RAB27B: variants seen among roughly 807,000 people sequenced by gnomAD.
RAB27B encodes the protein RAB27B, member RAS oncogene family, also known as ras-related protein Rab-27B.
RAB27B carries 15 observed loss-of-function variants against 24.6 expected under a neutral mutation model. The ratio of observed to expected loss-of-function variants is 0.61; its 90% CI spans 0.41 to 0.94. The LOEUF is 0.94. Ranked by LOEUF, RAB27B falls within the 40% of genes least tolerant of loss-of-function variation. The pLI, the probability that RAB27B is intolerant of heterozygous loss-of-function variation, is 0.00. For missense variants in RAB27B, 261 were observed against 266.8 expected (o/e 0.98, Z 0.15); for synonymous variants, 105 against 92.5 (o/e 1.14, Z -0.78).
chr18:54,837,824 G>C (rs141174518), intron 1 of RAB27B, among the ~76,000 whole-genome samples: 117 of 152,170 alleles, frequency 7.7e-4, no homozygotes, highest in African/African-American at 2.7e-3. Flanking sequence ...AATCATTGTT[G>C]TTCAATTGAA....
At chr18:54,764,972 T>G (rs1047053720) in intron 2 of RAB27B, among the ~76,000 whole-genome samples, 6 of 152,186 alleles carry the variant, frequency 3.9e-5, no homozygotes, top group Non-Finnish European at 4.4e-5. Context: ...CCACTGTGCT[T>G]CTTTTATTCA....
chr18:54,719,397 AT>A (rs1909289925), intron 2 of RAB27B, among the ~76,000 whole-genome samples: 1 of 152,026 alleles, frequency 6.6e-6, no homozygotes, highest in African/African-American at 2.4e-5. Flanking sequence ...TTTTTTAAAT[AT>A]TTTGAATATT....
intron 2 of RAB27B, among the ~76,000 whole-genome samples, chr18:54,721,895 A>T (rs1909370467): frequency 6.6e-6 from 1 of 152,188 alleles, no homozygotes; most frequent in African/African-American, 2.4e-5. Context: ...CCAGATAATG[A>T]GAGGCACGGT....
intron 2 of RAB27B, among the ~76,000 whole-genome samples, chr18:54,773,749 C>T (rs1908628345): frequency 6.6e-6 from 1 of 151,590 alleles, no homozygotes; most frequent in Non-Finnish European, 1.5e-5. Context: ...CATCTCGGCT[C>T]ACTGCAACCT....
chr18:54,891,872 G>C lies in RAB27B; in HGVS notation c.*2459G>C. ...GTAATAACTTCAAGAGGAATGAGAA[G>C]TGACAAAATTGATTTAAAATATTGT... On this transcript the variant is annotated 3_prime_UTR_variant, in exon 6 of 6. Coordinates refer to ENST00000262094, the MANE Select transcript of RAB27B (RefSeq NM_004163.4). 1 of 152,108 alleles carries C rather than the reference G, an allele frequency of 6.6e-6. No homozygotes were observed. The highest frequency in any genetic ancestry group is 6.6e-5 in the Admixed American group (1 of 15,244). The allele number at this position is 152,108 out of a possible 1,614,324, so 9.4% of individuals were successfully genotyped here. A position where few individuals can be genotyped will look rare whatever the true frequency, so the allele number is the denominator to read the frequency against.
rs774297515 is a variant in RAB27B at position 54,893,697 on chromosome 18, G to T, written c.*4284G>T. 3 of 151,882 alleles carry T rather than the reference G, an allele frequency of 2.0e-5. No individual in the cohort carries two copies. Among genetic ancestry groups the T allele is most frequent in the Non-Finnish European group, 4.4e-5 (3 of 67,908 alleles). The allele number at this position is 151,882 out of a possible 1,614,324, so 9.4% of individuals were successfully genotyped here. A position where few individuals can be genotyped will look rare whatever the true frequency, so the allele number is the denominator to read the frequency against. ...ATAAAGTAGAACTGATACAAATTTT[G>T]GTTGGATATATAGAGAATTTTATAA... On this transcript the variant is annotated 3_prime_UTR_variant, in exon 6 of 6. Transcript: ENST00000262094.
At chr18:54,824,629 G>T (rs1448879555), upstream of RAB27B, among the ~76,000 whole-genome samples, 4 of 152,130 alleles carry the variant, frequency 2.6e-5, no homozygotes, top group African/African-American at 7.2e-5. Context: ...CCCTGGAAGC[G>T]ATGTACATGA....
At chr18:54,721,234 G>A (rs1909349467) in intron 2 of RAB27B, among the ~76,000 whole-genome samples, 1 of 152,146 alleles carries the variant, frequency 6.6e-6, no homozygotes, top group Admixed American at 6.5e-5. Flanking sequence ...TCATACATTT[G>A]TTGATATGCA....
chr18:54,779,168 G>T (rs1274095888), intron 2 of RAB27B, among the ~76,000 whole-genome samples: 1 of 152,124 alleles, frequency 6.6e-6, no homozygotes, highest in East Asian at 1.9e-4. Flanking sequence ...TCAAGAATTA[G>T]TTGGCTCCAA....
intron 2 of RAB27B, among the ~76,000 whole-genome samples, chr18:54,791,021 T>C (rs1909230089): frequency 6.6e-6 from 1 of 152,222 alleles, no homozygotes; most frequent in African/African-American, 2.4e-5. Flanking sequence ...ACAGCAATTT[T>C]AAAAGTAGAA....
At chr18:54,739,529 ATTCT>A (rs1470647327) in intron 2 of RAB27B, among the ~76,000 whole-genome samples, 5 of 149,624 alleles carry the variant, frequency 3.3e-5, no homozygotes, top group Non-Finnish European at 7.4e-5. Flanking sequence ...GTACCCTTAA[ATTCT>A]TTCTTTCTTT....
chr18:54,889,599 A>C lies in RAB27B; in HGVS notation c.*186A>C. ...CAAAAGAATTGACTAGTTATCCCTGAGGCCCTTTCAAACATGATCAAAGAT... is the reference window on the plus strand; with the variant it reads ...CAAAAGAATTGACTAGTTATCCCTGCGGCCCTTTCAAACATGATCAAAGAT... On this transcript the variant is annotated 3_prime_UTR_variant, in exon 6 of 6. Transcript: ENST00000262094. The C allele has an allele frequency of 1.9e-6, 1 of 522,638 alleles. No individual in the cohort carries two copies. The highest frequency in any genetic ancestry group is 3.3e-6 in the Non-Finnish European group (1 of 307,096). 32.4% of individuals were successfully genotyped at this position (522,638 alleles called of 1,614,324 possible).
intron 2 of RAB27B, among the ~76,000 whole-genome samples, chr18:54,764,998 T>A (rs1423597608): frequency 6.6e-6 from 1 of 152,128 alleles, no homozygotes; most frequent in East Asian, 1.9e-4. Flanking sequence ...ATTTGTTATT[T>A]TAATTAACCA....
intron 2 of RAB27B, among the ~76,000 whole-genome samples, chr18:54,816,637 G>C (rs964200071): frequency 2.0e-5 from 3 of 152,130 alleles, no homozygotes; most frequent in Admixed American, 1.3e-4. Context: ...GGAGAAAACA[G>C]GTTCCAAATC....
At chr18:54,873,129 T>C (rs1912544325) in intron 1 of RAB27B, among the ~76,000 whole-genome samples, 1 of 152,234 alleles carries the variant, frequency 6.6e-6, no homozygotes, top group African/African-American at 2.4e-5. Flanking sequence ...GTATTTCAAA[T>C]TATAATAATA....
intron 2 of RAB27B, among the ~76,000 whole-genome samples, chr18:54,800,115 A>T (rs1909554845): frequency 6.6e-6 from 1 of 152,220 alleles, no homozygotes; most frequent in Admixed American, 6.5e-5. Context: ...TTTTGAGTTT[A>T]TAAAAATATT....
chr18:54,844,499 C>A (rs146720135), intron 1 of RAB27B, among the ~76,000 whole-genome samples: 1 of 148,844 alleles, frequency 6.7e-6, no homozygotes, highest in Non-Finnish European at 1.5e-5. Context: ...CTCCACCTCC[C>A]GGTTTCAAGT....
chr18:54,863,023 G>A (rs1432180222), intron 1 of RAB27B, among the ~76,000 whole-genome samples: 2 of 152,110 alleles, frequency 1.3e-5, no homozygotes, highest in African/African-American at 2.4e-5. Context: ...TTGCAAAAAG[G>A]CAACCAGATT....
chr18:54,805,112 C>T (rs1216421465), intron 2 of RAB27B, among the ~76,000 whole-genome samples: 2 of 151,900 alleles, frequency 1.3e-5, no homozygotes, highest in African/African-American at 4.8e-5. Flanking sequence ...TGAGCATCCT[C>T]CCTAGAGCCT....
Sources: allele counts gnomAD v4.1 joint callset (sites outside exome capture counted in the v4.1 genomes callset), GRCh38; gene constraint gnomAD v4.1.1; transcripts MANE v1.5; gene names NCBI Gene and HGNC (gene_info 2026-07-23, HGNC 2026-07-21).